NXPH2: variants seen among roughly 807,000 people sequenced by gnomAD.
The protein encoded by NXPH2 is neurexophilin-2.
NXPH2 carries 5 observed loss-of-function variants against 19.8 expected under a neutral mutation model. That is an observed-to-expected ratio of 0.25 (90% confidence interval 0.13 to 0.53). NXPH2 has a LOEUF of 0.53. Among genes scored for constraint, NXPH2 ranks in the 20% least tolerant of loss-of-function variants. NXPH2 has a pLI of 0.96. For missense variants in NXPH2, 289 were observed against 322.8 expected, an observed-to-expected ratio of 0.90 and a Z score of 0.80; for synonymous variants, 154 against 127.4, an observed-to-expected ratio of 1.21 and a Z score of -1.41.
intron 1 of NXPH2, among the ~76,000 whole-genome samples, chr2:138,749,647 A>G (rs1681796469): frequency 6.6e-6 from 1 of 152,214 alleles, no homozygotes; most frequent in Non-Finnish European, 1.5e-5. Flanking sequence ...AAATAAAGAT[A>G]TTCAAGGTTT....
chr2:138,676,307 CTTG>C (rs1383686694), intron 1 of NXPH2, among the ~76,000 whole-genome samples: 1 of 152,194 alleles, frequency 6.6e-6, no homozygotes, highest in Non-Finnish European at 1.5e-5. Context: ...CAGCCTTCCT[CTTG>C]TTATTAATCA....
chr2:138,725,295 C>T (rs900187514), intron 1 of NXPH2, among the ~76,000 whole-genome samples: 7 of 152,174 alleles, frequency 4.6e-5, no homozygotes, highest in African/African-American at 1.7e-4. Flanking sequence ...GTTAAATGGA[C>T]ACTGAGCTTG....
At chr2:138,777,885 A>C (rs1028611484) in intron 1 of NXPH2, among the ~76,000 whole-genome samples, 3 of 139,854 alleles carry the variant, frequency 2.1e-5, no homozygotes, top group Admixed American at 2.1e-4. Context: ...AGATTTTTTT[A>C]GTACATATGG....
At chr2:138,694,460 G>C (rs1290450981) in intron 1 of NXPH2, among the ~76,000 whole-genome samples, 1 of 152,080 alleles carries the variant, frequency 6.6e-6, no homozygotes, top group African/African-American at 2.4e-5. Flanking sequence ...TGTGAAGACA[G>C]AGACAATCTC....
intron 1 of NXPH2, among the ~76,000 whole-genome samples, chr2:138,714,381 G>A (rs542666289): frequency 3.3e-5 from 5 of 152,036 alleles, no homozygotes; most frequent in African/African-American, 7.2e-5. Flanking sequence ...ACTTAATAAT[G>A]GATATATCTT....
chr2:138,715,522 C>A (rs1027529966), intron 1 of NXPH2, among the ~76,000 whole-genome samples: 5 of 152,060 alleles, frequency 3.3e-5, no homozygotes, highest in African/African-American at 1.2e-4. Flanking sequence ...GGTAAATAAA[C>A]CAGGGTTTGT....
intron 1 of NXPH2, among the ~76,000 whole-genome samples, chr2:138,727,052 G>C (rs781397858): frequency 2.9e-4 from 44 of 152,090 alleles, no homozygotes; most frequent in Non-Finnish European, 5.9e-4. Flanking sequence ...TTTTCAGATT[G>C]GCTCTTTCAC....
chr2:138,709,182 A>G lies in NXPH2; in HGVS notation c.52-37517T>C, dbSNP rs113242753. ...GATGCTGGGGTGCTGGCTCCACTCG[A>G]GACGGTACAACAGCCCCTTCTATCC... On this transcript the variant is annotated intron_variant, in intron 1 of 1. Transcript: ENST00000272641. Among the ~76,000 whole-genome samples, 635 of 152,176 alleles carry G rather than the reference A, an allele frequency of 4.2e-3. 4 individuals are homozygous for G. Among genetic ancestry groups the G allele is most frequent in the African/African-American group, 0.014 (601 of 41,518 alleles).
At chr2:138,752,356 G>A (rs1476120846) in intron 1 of NXPH2, among the ~76,000 whole-genome samples, 2 of 152,002 alleles carry the variant, frequency 1.3e-5, no homozygotes, top group African/African-American at 4.8e-5. Flanking sequence ...TTCAGGAGAG[G>A]GCCTCTTATC....
At chr2:138,741,344 A>G (rs1352249467) in intron 1 of NXPH2, among the ~76,000 whole-genome samples, 2 of 152,202 alleles carry the variant, frequency 1.3e-5, no homozygotes, top group African/African-American at 4.8e-5. Context: ...TCATTCAGCC[A>G]CTTAGACACG....
At chr2:138,722,492 C>T (rs1681297458) in intron 1 of NXPH2, among the ~76,000 whole-genome samples, 1 of 152,228 alleles carries the variant, frequency 6.6e-6, no homozygotes, top group African/African-American at 2.4e-5. Context: ...TCTTCTCTAA[C>T]TGACCAGAGC....
intron 1 of NXPH2, among the ~76,000 whole-genome samples, chr2:138,691,169 A>G (rs7419622): frequency 0.95 from 143,950 of 152,272 alleles, 68,236 homozygotes; most frequent in East Asian, 1. Context: ...ATCAAGGTGA[A>G]TGTCTCACTT....
At chr2:138,745,493 CGGGGG>C (rs56011084) in intron 1 of NXPH2, among the ~76,000 whole-genome samples, 1 of 90,242 alleles carries the variant, frequency 1.1e-5, no homozygotes, top group Non-Finnish European at 2.0e-5. Context: ...CTTTTTTTGG[CGGGGG>C]GGGGGGGGTG....
intron 1 of NXPH2, among the ~76,000 whole-genome samples, chr2:138,736,849 C>T (rs534769521): frequency 6.6e-6 from 1 of 152,354 alleles, no homozygotes; most frequent in African/African-American, 2.4e-5. Flanking sequence ...CCTAAATCAT[C>T]TCTCAAGTTC....
Position 138,671,181 on chromosome 2 carries a change from G to A in NXPH2, c.536C>T (p.Thr179Ile). ...FEVSPQSTLE[T>I]KESKSFNCRI... ...ACAATTGAAAGATTTGGATTCCTTG[G>A]TCTCCAAGGTAGACTGGGGGGAAAC... The change falls in exon 2 of 2, where the codon ACC becomes ATC. Residue 179 changes from threonine (T) to isoleucine (I), a missense_variant. Physicochemically the swap from Thr to Ile is moderately conservative, Grantham distance 89. Coordinates refer to ENST00000272641, the MANE Select transcript of NXPH2 (RefSeq NM_007226.3). The A allele has an allele frequency of 6.2e-7, 1 of 1,613,894 alleles. No individual in the cohort carries two copies. Among genetic ancestry groups the A allele is most frequent in the Non-Finnish European group, 8.5e-7 (1 of 1,179,860 alleles).
At chr2:138,734,878 C>T (rs1558925258) in intron 1 of NXPH2, among the ~76,000 whole-genome samples, 1 of 152,050 alleles carries the variant, frequency 6.6e-6, no homozygotes, top group Non-Finnish European at 1.5e-5. Flanking sequence ...GCTCACGTGG[C>T]TCAGAAACAT....
At chr2:138,690,593 A>AC (rs1394395418) in intron 1 of NXPH2, among the ~76,000 whole-genome samples, 1 of 143,436 alleles carries the variant, frequency 7.0e-6, no homozygotes, top group African/African-American at 3.0e-5. Context: ...GAAAAAAAAA[A>AC]AAACAAAACT....
intron 1 of NXPH2, among the ~76,000 whole-genome samples, chr2:138,728,175 TC>T (rs1315017140): frequency 2.0e-5 from 3 of 152,076 alleles, no homozygotes; most frequent in Non-Finnish European, 4.4e-5. Context: ...TCTCTCTCTC[TC>T]TCTGTCTGTC....
intron 1 of NXPH2, among the ~76,000 whole-genome samples, chr2:138,742,183 G>C (rs181623213): frequency 2.6e-5 from 4 of 152,214 alleles, no homozygotes; most frequent in African/African-American, 9.6e-5. Context: ...TCCAGATCTG[G>C]GGTGTCCGGC....
Sources: gnomAD v4.1 joint callset for allele counts (sites outside exome capture counted in the v4.1 genomes callset) on GRCh38, gnomAD v4.1.1 for gene constraint, MANE v1.5 for transcripts, NCBI Gene and HGNC (gene_info 2026-07-23, HGNC 2026-07-21) for gene names.